The following EVC variants were observed in gnomAD, a reference collection of about 807,000 sequenced individuals.
EVC encodes the protein EvC ciliary complex subunit 1, also known as evC complex member EVC.
In EVC, 116 loss-of-function variants were observed where a neutral mutation model predicts 118.9. That is an observed-to-expected ratio of 0.98 (90% CI 0.84 to 1.14). The LOEUF (loss-of-function observed/expected upper bound fraction) is 1.14, where lower values mean the gene tolerates loss of function less well. EVC is among the 50% of genes most tolerant of loss of function. The pLI is 0.00. For missense variants in EVC, 1,401 were observed against 1,246.4 expected, an observed-to-expected ratio of 1.12 and a Z score of -1.87; for synonymous variants, 619 against 534.7, an observed-to-expected ratio of 1.16 and a Z score of -2.18.
At chr4:5,806,584 A>G (rs895515090) in intron 17 of EVC, among the ~76,000 whole-genome samples, 1 of 152,124 alleles carries the variant, frequency 6.6e-6, no homozygotes, top group African/African-American at 2.4e-5. Context: ...TTCCTTATCC[A>G]GTCCTCCATT....
rs148418233 is a variant in EVC, at chr4:5,748,249, G to T, written c.1041G>T (p.Thr347=). Residue 347 remains threonine (T), a synonymous_variant, in exon 8 of 21, where the codon ACG becomes ACT. Transcript: ENST00000264956. ...CCCGACAGCTGATGATGACTCTGAC[G>T]GAAAGAATGATTGCAGCCGAAGGGC... The part of the protein sequence containing the change: ...SKARQLMMTL[T]ERMIAAEGLL... 2.9e-4 allele frequency: 461 copies of T among 1,614,122 alleles called. 1 individual carries two copies. Among genetic ancestry groups the T allele is most frequent in the Admixed American group, 6.5e-4 (39 of 60,022 alleles).
chr4:5,826,326 A>T, the EVC span: 1 of 152,722 alleles, frequency 6.5e-6, no homozygotes, highest in Non-Finnish European at 1.5e-5. Context: ...GGGGGCAGAT[A>T]GTTTGTTGGG....
intron 7 of EVC, among the ~76,000 whole-genome samples, chr4:5,747,176 T>C (rs1729486448): frequency 6.6e-6 from 1 of 151,950 alleles, no homozygotes; most frequent in Non-Finnish European, 1.5e-5. Context: ...GGTGCAGGCT[T>C]CCTCCTGGCA....
intron 8 of EVC, 23 bp downstream of exon 8, chr4:5,748,329 G>A: frequency 1.2e-6 from 2 of 1,613,316 alleles, no homozygotes; most frequent in Non-Finnish European, 1.7e-6. Flanking sequence ...GGGGCGGGAG[G>A]GAACATAAAG....
At chr4:5,729,432 G>C in intron 3 of EVC, 42 bp downstream of exon 3, 3 of 1,564,414 alleles carry the variant, frequency 1.9e-6, no homozygotes, top group Non-Finnish European at 2.6e-6. Flanking sequence ...AGTTACTTCC[G>C]TCATGTGCCA....
intron 11 of EVC, among the ~76,000 whole-genome samples, chr4:5,761,748 G>A (rs1732056794): frequency 6.6e-6 from 1 of 151,798 alleles, no homozygotes; most frequent in African/African-American, 2.4e-5. Flanking sequence ...AGGGAAGAAA[G>A]CCTTATGGTG....
chr4:5,796,693 G>A (rs548370393), intron 13 of EVC, among the ~76,000 whole-genome samples: 1 of 151,834 alleles, frequency 6.6e-6, no homozygotes, highest in Non-Finnish European at 1.5e-5. Context: ...ACTGAAATAG[G>A]AACTCAAAAA....
intron 2 of EVC, among the ~76,000 whole-genome samples, chr4:5,726,443 A>C (rs1343666650): frequency 1.3e-5 from 2 of 152,146 alleles, no homozygotes; most frequent in East Asian, 3.9e-4. Flanking sequence ...GATATAGGGC[A>C]GGCCATGGAT....
chr4:5,730,966 T>G (rs1227748088), intron 3 of EVC, among the ~76,000 whole-genome samples: 1 of 151,744 alleles, frequency 6.6e-6, no homozygotes, highest in Non-Finnish European at 1.5e-5. Context: ...GTGGAGCCTG[T>G]CGGTGGGCAG....
chr4:5,772,460 G>T (rs1029891066), intron 11 of EVC, among the ~76,000 whole-genome samples: 2 of 151,990 alleles, frequency 1.3e-5, no homozygotes, highest in African/African-American at 4.8e-5. Context: ...GGAATTCTTG[G>T]CTACCTTCCT....
intron 15 of EVC, among the ~76,000 whole-genome samples, chr4:5,801,537 A>G (rs1297377426): frequency 6.6e-6 from 1 of 152,120 alleles, no homozygotes; most frequent in African/African-American, 2.4e-5. Context: ...AAAATTAGCC[A>G]GGCCTGGTGG....
At chr4:5,732,912 A>G (rs1727057397) in intron 4 of EVC, among the ~76,000 whole-genome samples, 1 of 152,222 alleles carries the variant, frequency 6.6e-6, no homozygotes, top group Non-Finnish European at 1.5e-5. Context: ...CGGGAGGCTG[A>G]GGTGGGAGGA....
Position 5,742,607 on chromosome 4 carries a change from G to A in EVC, c.801+793G>A, listed in dbSNP as rs760496745. On this transcript the variant is annotated intron_variant, in intron 6 of 20. Transcript: ENST00000264956. The surrounding 1 kb of genome is among the most constrained non-coding windows in gnomAD (Gnocchi z 5.2). ...CATCATCATCATCCTCATGACCGCTGTCATCACCAACACCATCACCATCCT... is the reference window on the plus strand; with the variant it reads ...CATCATCATCATCCTCATGACCGCTATCATCACCAACACCATCACCATCCT... Among the ~76,000 whole-genome samples, 6 of 152,050 alleles carry A rather than the reference G, an allele frequency of 3.9e-5. No homozygotes were observed. The highest frequency in any genetic ancestry group is 7.4e-5 in the Non-Finnish European group (5 of 68,012).
chr4:5,744,616 C>T (rs543291893), intron 6 of EVC, among the ~76,000 whole-genome samples: 2 of 152,234 alleles, frequency 1.3e-5, no homozygotes, highest in East Asian at 3.9e-4. Context: ...TACTGAATCC[C>T]AGAATTCACT....
At chr4:5,795,559 C>T (rs1713790560) in intron 13 of EVC, among the ~76,000 whole-genome samples, 1 of 152,148 alleles carries the variant, frequency 6.6e-6, no homozygotes, top group Non-Finnish European at 1.5e-5. Context: ...GACTGAGGCA[C>T]AAGAATTGCT....
intron 2 of EVC, among the ~76,000 whole-genome samples, chr4:5,721,194 T>A (rs1724901086): frequency 6.6e-6 from 1 of 152,136 alleles, no homozygotes; most frequent in African/African-American, 2.4e-5. Flanking sequence ...TGAAAACATG[T>A]CCACCCAAAA....
the EVC span, among the ~76,000 whole-genome samples, chr4:5,819,534 G>C: frequency 6.6e-6 from 1 of 152,220 alleles, no homozygotes; most frequent in Non-Finnish European, 1.5e-5. Flanking sequence ...ATGGGCTCTA[G>C]ATTATGCTGG....
chr4:5,767,937 G>A (rs1403020437), intron 11 of EVC, among the ~76,000 whole-genome samples: 1 of 152,204 alleles, frequency 6.6e-6, no homozygotes, highest in Non-Finnish European at 1.5e-5. Flanking sequence ...CCCACCGGCA[G>A]CTTAGAATTT....
At chr4:5,804,895 G>T in intron 17 of EVC, 54 bp downstream of exon 17, 1 of 1,465,954 alleles carries the variant, frequency 6.8e-7, no homozygotes, top group South Asian at 1.1e-5. Context: ...CATTCACATG[G>T]CATATCTCTC....
Sources: allele counts gnomAD v4.1 joint callset (sites outside exome capture counted in the v4.1 genomes callset), GRCh38; gene constraint gnomAD v4.1.1; non-coding constraint Gnocchi (gnomAD v3.1); transcripts MANE v1.5; gene names NCBI Gene and HGNC (gene_info 2026-07-23, HGNC 2026-07-21).